DCC: variants seen among roughly 807,000 people sequenced by gnomAD.
DCC encodes the protein DCC netrin 1 receptor, also known as netrin receptor DCC.
In DCC, 58 loss-of-function variants were observed where a neutral mutation model predicts 172.5. The ratio of observed to expected loss-of-function variants is 0.34; its 90% confidence interval spans 0.27 to 0.42. DCC has a LOEUF of 0.42. Ranked by LOEUF, DCC falls within the 10% of genes least tolerant of loss-of-function variation. The pLI, the probability that DCC is intolerant of heterozygous loss-of-function variation, is 1.00. For missense variants in DCC, 1,740 were observed against 1,791.0 expected, an observed-to-expected ratio of 0.97 and a Z score of 0.51; for synonymous variants, 709 against 644.5, an observed-to-expected ratio of 1.10 and a Z score of -1.52.
chr18:52,870,635 T>C (rs1255794335), intron 2 of DCC, among the ~76,000 whole-genome samples: 3 of 152,204 alleles, frequency 2.0e-5, no homozygotes, highest in Non-Finnish European at 2.9e-5. Context: ...TTCACATTTC[T>C]GCAGTTTTGA....
chr18:52,766,868 G>A (rs1402406642), intron 2 of DCC, among the ~76,000 whole-genome samples: 2 of 151,974 alleles, frequency 1.3e-5, no homozygotes, highest in Non-Finnish European at 2.9e-5. Flanking sequence ...ACCCTTTTCT[G>A]CCTAGAATTT....
chr18:53,421,168 G>A (rs915482404), intron 21 of DCC, among the ~76,000 whole-genome samples: 2 of 152,092 alleles, frequency 1.3e-5, no homozygotes, highest in African/African-American at 4.8e-5. Flanking sequence ...TGTTTGCATC[G>A]TTATGTCCCA....
intron 7 of DCC, among the ~76,000 whole-genome samples, chr18:53,135,564 G>C (rs2043728586): frequency 6.6e-6 from 1 of 152,012 alleles, no homozygotes; most frequent in African/African-American, 2.4e-5. Context: ...TTCCAGTGTG[G>C]GTACAGTTAC....
At chr18:53,167,214 G>T (rs2144428033) in intron 8 of DCC, among the ~76,000 whole-genome samples, 1 of 152,278 alleles carries the variant, frequency 6.6e-6, no homozygotes, top group South Asian at 2.1e-4. Context: ...TAGGCAAGAT[G>T]ATATGTATTT....
intron 2 of DCC, among the ~76,000 whole-genome samples, chr18:52,786,196 G>A (rs1247353368): frequency 6.6e-6 from 1 of 152,020 alleles, no homozygotes; most frequent in South Asian, 2.1e-4. Flanking sequence ...AAAACTCCAG[G>A]TTATGGGCAT....
At position 52,867,377 on chromosome 18, in the gene DCC, G is replaced by A. The variant is rs557858813; in HGVS notation, c.413-38667G>A. Among the ~76,000 whole-genome samples, 18 of 152,272 alleles carry A rather than the reference G, an allele frequency of 1.2e-4. No homozygotes were observed. In the South Asian group the frequency reaches 3.7e-3, roughly 32 times the overall value. The stretch of plus-strand genomic sequence containing the variant: ...TGTCTCTGTCAGGTTTTGGTATCAG[G>A]ATGATGCTGGCCTCATAAAATGAGT... On this transcript the variant is annotated intron_variant, in intron 2 of 28. Coordinates refer to ENST00000442544, the MANE Select transcript of DCC (RefSeq NM_005215.4).
intron 1 of DCC, among the ~76,000 whole-genome samples, chr18:52,567,829 CAGAG>C (rs1216585790): frequency 1.3e-5 from 2 of 151,594 alleles, no homozygotes; most frequent in African/African-American, 4.8e-5. Context: ...TAAAAAAAAA[CAGAG>C]AGGTGAGGGA....
chr18:53,044,706 C>T (rs971395409), intron 5 of DCC, among the ~76,000 whole-genome samples: 1 of 151,854 alleles, frequency 6.6e-6, no homozygotes, highest in African/African-American at 2.4e-5. Context: ...AGACAGAAAA[C>T]AACTCCTTAA....
chr18:52,851,892 A>G (rs2038980303), intron 2 of DCC, among the ~76,000 whole-genome samples: 1 of 152,162 alleles, frequency 6.6e-6, no homozygotes, highest in Non-Finnish European at 1.5e-5. Context: ...GGTTTTGACC[A>G]GACACCAGAT....
At chr18:53,017,045 T>A (rs1456288703) in intron 5 of DCC, among the ~76,000 whole-genome samples, 1 of 151,100 alleles carries the variant, frequency 6.6e-6, no homozygotes, top group Non-Finnish European at 1.5e-5. Flanking sequence ...CAATGTGACA[T>A]AAATCATGGT....
chr18:52,499,435 A>T (rs781251217), intron 1 of DCC, among the ~76,000 whole-genome samples: 7 of 152,158 alleles, frequency 4.6e-5, no homozygotes, highest in Admixed American at 1.3e-4. Context: ...CCTCTGTAGT[A>T]TCAGGCACTT....
intron 9 of DCC, among the ~76,000 whole-genome samples, chr18:53,191,206 C>T (rs537412595): frequency 1.3e-5 from 2 of 152,184 alleles, no homozygotes; most frequent in East Asian, 3.9e-4. Flanking sequence ...TCAGTATAAG[C>T]TCTTCACAAA....
intron 1 of DCC, among the ~76,000 whole-genome samples, chr18:52,348,295 G>C (rs1756415763): frequency 6.6e-6 from 1 of 152,162 alleles, no homozygotes; most frequent in African/African-American, 2.4e-5. Context: ...TCTGGTGCAT[G>C]TCCACCAGCA....
At chr18:53,454,188 A>T (rs969621491) in intron 23 of DCC, among the ~76,000 whole-genome samples, 5 of 152,196 alleles carry the variant, frequency 3.3e-5, no homozygotes, top group Admixed American at 2.6e-4. Flanking sequence ...TCTCTAAAAA[A>T]TTTTAAATCA....
At chr18:53,206,552 A>G (rs182213560) in intron 10 of DCC, among the ~76,000 whole-genome samples, 5 of 142,850 alleles carry the variant, frequency 3.5e-5, no homozygotes, top group African/African-American at 1.1e-4. Context: ...ATGTATATAT[A>G]CATGTATGTA....
At chr18:53,509,986 A>AAATT (rs1361631356) in intron 27 of DCC, among the ~76,000 whole-genome samples, 4 of 152,204 alleles carry the variant, frequency 2.6e-5, no homozygotes, top group Admixed American at 1.3e-4. Flanking sequence ...GGAATTAGTT[A>AAATT]AATTAGTATT....
intron 12 of DCC, among the ~76,000 whole-genome samples, chr18:53,269,788 G>A (rs376280754): frequency 6.6e-6 from 1 of 152,082 alleles, no homozygotes. Flanking sequence ...GCACTCTAGA[G>A]TCTGGTTGCT....
At chr18:52,793,574 C>G (rs527916410) in intron 2 of DCC, among the ~76,000 whole-genome samples, 13 of 152,178 alleles carry the variant, frequency 8.5e-5, no homozygotes, top group Non-Finnish European at 1.8e-4. Flanking sequence ...CAAATATTTT[C>G]TCTCATTCTG....
chr18:53,334,603 C>G (rs2057570963), intron 14 of DCC, among the ~76,000 whole-genome samples: 1 of 152,194 alleles, frequency 6.6e-6, no homozygotes, highest in Non-Finnish European at 1.5e-5. Context: ...CCCCCAGCCT[C>G]TGGCAACCAC....
Sources: gnomAD v4.1 joint callset for allele counts (sites outside exome capture counted in the v4.1 genomes callset) on GRCh38, gnomAD v4.1.1 for gene constraint, MANE v1.5 for transcripts, NCBI Gene and HGNC (gene_info 2026-07-23, HGNC 2026-07-21) for gene names.